LTN1: variants seen among roughly 807,000 people sequenced by gnomAD.
LTN1 encodes E3 ubiquitin-protein ligase listerin.
Under a neutral mutation model 201.2 loss-of-function variants are expected in LTN1, and 88 were observed. The observed-to-expected ratio is 0.44, with a 90% CI of 0.37 to 0.52. The LOEUF (loss-of-function observed/expected upper bound fraction) is 0.52. Ranked by LOEUF, LTN1 falls within the 20% of genes least tolerant of loss-of-function variation. LTN1 has a pLI of 0.00. For missense variants in LTN1, 1,752 were observed against 2,038.7 expected (o/e 0.86, Z 2.71); for synonymous variants, 645 against 713.5 (o/e 0.90, Z 1.53).
rs1240933795 is a variant in LTN1, at chr21:28,959,460, G to A, written c.2591C>T (p.Pro864Leu). ...ACATTTGAGCAGTAGGCTATTACCT[G>A]GCAAATGTGTTTTTTCTTTGCTCTG... The part of the protein sequence containing the change: ...CAQSKEKTHL[P>L]DFLICKLKNT... Residue 864 changes from proline (P) to leucine (L), a missense_variant and splice_region_variant, in exon 13 of 30, where the codon CCA (proline) becomes CTA (leucine). Pro to Leu is a moderately conservative substitution (Grantham distance 98). This residue lies in a region of LTN1 where 1,211 missense variants were observed against 1,312.8 expected (regional missense o/e 0.92). Transcript: ENST00000361371. 5.6e-6 allele frequency: 9 copies of A among 1,612,232 alleles called. No homozygotes were observed. The highest frequency in any genetic ancestry group is 6.8e-6 in the Non-Finnish European group (8 of 1,178,816).
At chr21:28,931,125 AT>A in intron 29 of LTN1, 29 bp downstream of exon 29, 1 of 1,468,800 alleles carries the variant, frequency 6.8e-7, no homozygotes, top group Non-Finnish European at 9.5e-7. Context: ...TACATAAAAT[AT>A]AAGTAAGTTA....
In LTN1 at chr21:28,932,554, T is replaced by G; in HGVS notation, c.4986A>C (p.Ile1662=). ...LPSNYPLGSI[I]VESGKRVGVA... ...CTCCTACTCTTTTCCCACTTTCTAC[T>G]ATTATTGAACCCAGTGGATAATTTG... Residue 1662 remains isoleucine, a synonymous_variant, in exon 28 of 30, where the codon ATA becomes ATC. Coordinates refer to ENST00000361371, the MANE Select transcript of LTN1 (RefSeq NM_015565.3). The G allele has an allele frequency of 3.7e-6, 6 of 1,614,028 alleles. No individual in the cohort carries two copies. Among genetic ancestry groups the G allele is most frequent in the Non-Finnish European group, 5.1e-6 (6 of 1,179,876 alleles).
At position 28,959,594 on chromosome 21, in the gene LTN1, T is replaced by A. The variant is rs2084457707; in HGVS notation, c.2457A>T (p.Ser819=). The A allele has an allele frequency of 6.2e-7, 1 of 1,613,928 alleles. No homozygotes were observed. The highest frequency in any genetic ancestry group is 8.5e-7 in the Non-Finnish European group (1 of 1,179,980). ...KLSEAESSDS[S]VSFICDVAYN... ...AGGCCACATCACAGATAAAAGACAC[T>A]GATGAGTCACTGCTTTCAGCTTCTG... The change falls in exon 13 of 30, where the codon TCA becomes TCT. Residue 819 remains serine, a synonymous_variant. Transcript: ENST00000361371.
chr21:28,971,876 T>A (rs1424798124), intron 6 of LTN1, among the ~76,000 whole-genome samples: 1 of 152,140 alleles, frequency 6.6e-6, no homozygotes. Context: ...AAAAAACTTG[T>A]AAGAAAAAGG....
At chr21:28,943,226 GAATTT>G in intron 24 of LTN1, 31 bp downstream of exon 24, 2 of 1,325,388 alleles carry the variant, frequency 1.5e-6, no homozygotes, top group Non-Finnish European at 1.1e-6. Context: ...TGGATTATAA[GAATTT>G]AATAAAACAA....
At chr21:28,971,559 G>A in intron 6 of LTN1, 115 bp from the exon 7 acceptor site, 1 of 882,940 alleles carries the variant, frequency 1.1e-6, no homozygotes, top group Non-Finnish European at 1.7e-6. Flanking sequence ...AACTAAAATA[G>A]CTAGAAAAAA....
chr21:28,964,667 G>A (rs751928850), intron 11 of LTN1: 9 of 1,550,306 alleles, frequency 5.8e-6, no homozygotes, highest in African/African-American at 2.7e-5. Context: ...TCATGGAAGC[G>A]CAGGCAGCAA....
intron 1 of LTN1, among the ~76,000 whole-genome samples, chr21:28,990,421 T>C (rs1255659238): frequency 1.3e-5 from 2 of 152,230 alleles, no homozygotes; most frequent in Non-Finnish European, 2.9e-5. Flanking sequence ...AATTCATTAG[T>C]TGGGTTGTTT....
In LTN1 at chr21:28,966,500, T is replaced by A; in HGVS notation, c.1991A>T (p.Gln664Leu). 2 of 1,614,188 alleles carry A rather than the reference T, an allele frequency of 1.2e-6. No individual in the cohort carries two copies. The highest frequency in any genetic ancestry group is 1.7e-6 in the Non-Finnish European group (2 of 1,180,026). ...TTCATTTAGCCAACCTATCAGTTTC[T>A]GGTATAAAAACTGCACCGCAGGATT... ...QKNPAVQFLY[Q>L]KLIGWLNEDQ... Residue 664 changes from glutamine (Q) to leucine (L), a missense_variant, in exon 10 of 30, where the codon CAG (glutamine) becomes CTG (leucine). This residue lies in a region of LTN1 where 1,211 missense variants were observed against 1,312.8 expected (regional missense o/e 0.92). Transcript: ENST00000361371.
In LTN1 at chr21:28,971,292, G is replaced by A; in HGVS notation, c.963C>T (p.Leu321=). The A allele has an allele frequency of 1.2e-6, 2 of 1,613,838 alleles. No homozygotes were observed. The highest frequency in any genetic ancestry group is 1.7e-6 in the Non-Finnish European group (2 of 1,179,862). Residue 321 remains leucine (L), a synonymous_variant, in exon 7 of 30, where the codon CTC becomes CTT. Coordinates refer to ENST00000361371, the MANE Select transcript of LTN1 (RefSeq NM_015565.3). ...ATACCTCAATAGTTGTAAGTGTATAGAGTACAGCTTCCCAGAGAGCTGGGC... is the reference window on the plus strand; with the variant it reads ...ATACCTCAATAGTTGTAAGTGTATAAAGTACAGCTTCCCAGAGAGCTGGGC... ...IVCPALWEAV[L]YTLTTIEDCW...
chr21:28,947,354 T>C (rs1481307351), intron 19 of LTN1, 110 bp downstream of exon 19: 1 of 846,416 alleles, frequency 1.2e-6, no homozygotes, highest in Non-Finnish European at 1.7e-6. Flanking sequence ...TCAGAACAAA[T>C]CAGCTGTAAT....
intron 1 of LTN1, among the ~76,000 whole-genome samples, chr21:28,988,539 G>A (rs2084719215): frequency 2.0e-5 from 3 of 152,032 alleles, no homozygotes; most frequent in South Asian, 2.1e-4. Flanking sequence ...GAATAATCTG[G>A]CCTACTTCCT....
chr21:28,992,621 C>T, intron 1 of LTN1, 143 bp downstream of exon 1: 1 of 813,656 alleles, frequency 1.2e-6, no homozygotes, highest in South Asian at 1.6e-5. Context: ...CTCAGGGACG[C>T]ACACACAACA....
chr21:28,975,101 G>A (rs890913362), intron 6 of LTN1, among the ~76,000 whole-genome samples: 1 of 152,096 alleles, frequency 6.6e-6, no homozygotes, highest in African/African-American at 2.4e-5. Context: ...CAAAAATGTG[G>A]TCTCATCACA....
chr21:28,978,906 A>AAG (rs980475019), intron 6 of LTN1, among the ~76,000 whole-genome samples: 2 of 152,270 alleles, frequency 1.3e-5, no homozygotes, highest in African/African-American at 2.4e-5. Flanking sequence ...ATTCCAGTTA[A>AAG]AGAGAGATAT....
intron 4 of LTN1, among the ~76,000 whole-genome samples, chr21:28,983,362 T>C (rs2084673210): frequency 6.6e-6 from 1 of 152,250 alleles, no homozygotes; most frequent in South Asian, 2.1e-4. Flanking sequence ...TCCAAACTCA[T>C]GACACTTCAC....
Position 28,958,508 on chromosome 21 carries a change from C to A in LTN1, c.2625G>T (p.Trp875Cys), listed in dbSNP as rs1475784783. The change falls in exon 14 of 30, where the codon TGG (tryptophan) becomes TGT (cysteine). Residue 875 changes from tryptophan to cysteine, a missense_variant. By Grantham distance (215) the Trp-to-Cys change is radical. This residue lies in a region of LTN1 where 1,211 missense variants were observed against 1,312.8 expected (regional missense o/e 0.92). Coordinates refer to ENST00000361371, the MANE Select transcript of LTN1 (RefSeq NM_015565.3). The stretch of plus-strand genomic sequence containing the variant: ...GAACCAATAAATTTACACCAGAGAG[C>A]CAAGTATTTTTCAGTTTACAGATAA... ...DFLICKLKNTWLSGVNLLVHQ... is the reference protein window; with the variant it reads ...DFLICKLKNTCLSGVNLLVHQ... The A allele has an allele frequency of 4.4e-6, 7 of 1,605,604 alleles. No homozygotes were observed. The highest frequency in any genetic ancestry group is 5.1e-6 in the Non-Finnish European group (6 of 1,176,938).
chr21:28,964,645 G>A (rs1417829567), intron 11 of LTN1: 2 of 1,550,188 alleles, frequency 1.3e-6, no homozygotes, highest in Non-Finnish European at 1.7e-6. Flanking sequence ...AGGAGATGAG[G>A]AGGCTAGTGA....
Position 28,929,084 on chromosome 21 carries a change from C to A in LTN1, c.*1364G>T, listed in dbSNP as rs1169175172. On this transcript the variant is annotated 3_prime_UTR_variant, in exon 30 of 30. Coordinates refer to ENST00000361371, the MANE Select transcript of LTN1 (RefSeq NM_015565.3). ...AACAAAACTGGGCAGGACACTGCATCTATAAATATAATTCGAGAGATCTAT... is the reference window on the plus strand; with the variant it reads ...AACAAAACTGGGCAGGACACTGCATATATAAATATAATTCGAGAGATCTAT... 2.0e-5 allele frequency: 3 copies of A among 152,534 alleles called. No homozygotes were observed. Among genetic ancestry groups the A allele is most frequent in the African/African-American group, 7.2e-5 (3 of 41,424 alleles). 9.4% of individuals were successfully genotyped at this position (152,534 alleles called of 1,614,324 possible).
Sources: allele counts gnomAD v4.1 joint callset (sites outside exome capture counted in the v4.1 genomes callset), GRCh38; gene constraint gnomAD v4.1.1; regional missense constraint gnomAD v4.1.1; transcripts MANE v1.5; gene names NCBI Gene and HGNC (gene_info 2026-07-23, HGNC 2026-07-21).